The following ACAD8 variants were observed in gnomAD, a reference collection of about 807,000 sequenced individuals.
The protein encoded by ACAD8 is isobutyryl-CoA dehydrogenase, mitochondrial.
ACAD8 carries 47 observed loss-of-function variants against 53.1 expected under a neutral mutation model. The ratio of observed to expected loss-of-function variants is 0.89; its 90% CI spans 0.70 to 1.13. The LOEUF is 1.13. ACAD8 is among the 50% of genes most tolerant of loss of function. ACAD8 has a pLI of 0.00. For missense variants in ACAD8, 494 were observed against 535.0 expected (o/e 0.92, Z 0.76); for synonymous variants, 198 against 201.3 (o/e 0.98, Z 0.14).
Position 134,263,268 on chromosome 11 carries a change from C to G in ACAD8, c.1195+646C>G, listed in dbSNP as rs757795776. On this transcript the variant is annotated intron_variant, in intron 10 of 10. Coordinates refer to ENST00000281182, the MANE Select transcript of ACAD8 (RefSeq NM_014384.3). ...GGGCAGAGGCTTCTTTGAGTGACTT[C>G]GGTGAAGCAACGTGAGGCTGCCTTG... 11 of 1,001,840 alleles carry G rather than the reference C, an allele frequency of 1.1e-5. No homozygotes were observed. The African/African-American group carries it at 1.9e-4, about 17-fold the overall frequency. 62.1% of individuals were successfully genotyped at this position (1,001,840 alleles called of 1,614,324 possible). A position where few individuals can be genotyped will look rare whatever the true frequency, so the allele number is the denominator to read the frequency against.
In ACAD8 at chr11:134,256,616, A is replaced by G. The variant is rs374985215; in HGVS notation, c.178A>G (p.Met60Val). The G allele has an allele frequency of 1.8e-5, 29 of 1,614,090 alleles. No homozygotes were observed. The African/African-American group carries it at 3.5e-4, about 19-fold the overall frequency. Residue 60 changes from methionine (M) to valine (V), a missense_variant, in exon 2 of 11, where the codon ATG becomes GTG. By Grantham distance (21) the Met-to-Val change is conservative. Transcript: ENST00000281182. The stretch of plus-strand genomic sequence containing the variant: ...GGCCTTTGACTTTGCTGCCCGAGAG[A>G]TGGCTCCAAATATGGCAGAGTGGGA... ...KVAFDFAARE[M>V]APNMAEWDQK...
intron 6 of ACAD8, chr11:134,260,144 A>G: frequency 8.6e-7 from 1 of 1,159,680 alleles, no homozygotes; most frequent in Non-Finnish European, 1.1e-6. Flanking sequence ...TTTGATTAAA[A>G]ATAAAGTAAA....
chr11:134,260,055 T>A (rs937434226), intron 6 of ACAD8: 14 of 1,223,810 alleles, frequency 1.1e-5, no homozygotes, highest in African/African-American at 1.6e-5. Context: ...ACTTTGTTGC[T>A]CCAGGAAGAG....
intron 3 of ACAD8, 112 bp downstream of exon 3, chr11:134,257,369 T>G (rs1252792928): frequency 4.3e-6 from 6 of 1,389,340 alleles, no homozygotes; most frequent in African/African-American, 1.4e-5. Flanking sequence ...CTCAAGGAAC[T>G]GGACTTAAAA....
At position 134,265,644 on chromosome 11, in the gene ACAD8, T is replaced by C. The variant is rs544997208; in HGVS notation, c.*684T>C. On this transcript the variant is annotated 3_prime_UTR_variant, in exon 11 of 11. Coordinates refer to ENST00000281182, the MANE Select transcript of ACAD8 (RefSeq NM_014384.3). ...TGCTATTCAGTGTTTCTTTTCCTGA[T>C]AAACACTTTGAATATTTTTTTTGTG... is the stretch of plus-strand genomic sequence containing the variant. 14 of 152,360 alleles carry C rather than the reference T, an allele frequency of 9.2e-5. No individual in the cohort carries two copies. Among genetic ancestry groups the C allele is most frequent in the Admixed American group, 6.5e-4 (10 of 15,304 alleles). The allele number at this position is 152,360 out of a possible 1,614,324, so 9.4% of individuals were successfully genotyped here.
chr11:134,257,282 C>G, intron 3 of ACAD8, 25 bp downstream of exon 3: 1 of 1,613,506 alleles, frequency 6.2e-7, no homozygotes, highest in South Asian at 1.1e-5. Flanking sequence ...TTGGAAGGCA[C>G]AATGAAGTGC....
chr11:134,261,494 CA>C lies in ACAD8; in HGVS notation c.939+123del. On this transcript the variant is annotated intron_variant, in intron 8 of 10. Transcript: ENST00000281182. This position sits in a 1 kb window ranked among gnomAD's most constrained non-coding sequence, Gnocchi z 4.2. ...CTGTCAGTCCCACCACTGTCCTAGC[CA>C]GAGCTTGTGCTTTATTTCTGTCCAT... 6.7e-7 allele frequency: 1 copy of C among 1,502,712 alleles called. No homozygotes were observed. The highest frequency in any genetic ancestry group is 9.1e-7 in the Non-Finnish European group (1 of 1,093,326). The allele number at this position is 1,502,712 out of a possible 1,614,324, so 93.1% of individuals were successfully genotyped here.
chr11:134,254,584 A>G (rs1939367562), intron 1 of ACAD8, among the ~76,000 whole-genome samples: 1 of 152,246 alleles, frequency 6.6e-6, no homozygotes, highest in Non-Finnish European at 1.5e-5. Flanking sequence ...TAAGGCATAG[A>G]ATACTGTTTT....
At chr11:134,260,671 G>A in intron 6 of ACAD8, 2 of 350,022 alleles carry the variant, frequency 5.7e-6, no homozygotes, top group South Asian at 2.4e-5. Flanking sequence ...TGATGTAAAG[G>A]CAGTCTATTT....
Position 134,261,703 on chromosome 11 carries a change from C to A in ACAD8, c.940-35C>A, listed in dbSNP as rs751209738. 5.6e-6 allele frequency: 9 copies of A among 1,611,618 alleles called. No individual in the cohort carries two copies. The East Asian group carries it at 2.0e-4, about 36-fold the overall frequency. On this transcript the variant is annotated intron_variant, in intron 8 of 10. Coordinates refer to ENST00000281182, the MANE Select transcript of ACAD8 (RefSeq NM_014384.3). This position sits in a 1 kb window ranked among gnomAD's most constrained non-coding sequence, Gnocchi z 4.2. ...GCACCAGGTGCTGGTCTAAGCCCCTCAGTCTTGTCTGGTTCTCTGCTCCCT... is the reference window on the plus strand; with the variant it reads ...GCACCAGGTGCTGGTCTAAGCCCCTAAGTCTTGTCTGGTTCTCTGCTCCCT...
chr11:134,256,466 A>T (rs559270596), intron 1 of ACAD8, 82 bp from the exon 2 acceptor site: 3 of 1,111,086 alleles, frequency 2.7e-6, no homozygotes, highest in Admixed American at 1.7e-5. Flanking sequence ...CACTTTCACA[A>T]CTTCGTGGTG....
In ACAD8 at chr11:134,257,258, G is replaced by C. The variant is rs1939591279; in HGVS notation, c.380+1G>C. On this transcript the variant is annotated splice_donor_variant, in intron 3 of 10. Transcript: ENST00000281182. LOFTEE classifies it high-confidence loss of function. ...CCACAGCCTATATAAGCATCCACAA[G>C]TGAGTGCCCAAGCTTGGAAGGCACA... is the stretch of plus-strand genomic sequence containing the variant. 3 of 1,614,172 alleles carry C rather than the reference G, an allele frequency of 1.9e-6. No homozygotes were observed. The highest frequency in any genetic ancestry group is 1.7e-6 in the Non-Finnish European group (2 of 1,180,046).
rs141550507 is a variant in ACAD8 at position 134,264,915 on chromosome 11, T to C, written c.1203T>C (p.Asn401=). Residue 401 remains asparagine, a synonymous_variant, in exon 11 of 11, where the codon AAT becomes AAC. Transcript: ENST00000281182. ...SRVHQILEGS[N]EVMRILISRS... is the part of the protein sequence containing the mutation. ...CCTTCCTCCCTCTTACAGGTAGCAATGAAGTGATGAGGATACTGATCTCTA... is the reference window on the plus strand; with the variant it reads ...CCTTCCTCCCTCTTACAGGTAGCAACGAAGTGATGAGGATACTGATCTCTA... 10 of 1,614,036 alleles carry C rather than the reference T, an allele frequency of 6.2e-6. No homozygotes were observed. The African/African-American group carries it at 1.2e-4, about 19-fold the overall frequency.
At chr11:134,262,650 C>T in intron 10 of ACAD8, 28 bp downstream of exon 10, 1 of 1,597,642 alleles carries the variant, frequency 6.3e-7, no homozygotes, top group Non-Finnish European at 8.6e-7. Flanking sequence ...TTATTCTCTT[C>T]CCTTCAGAAC....
intron 10 of ACAD8, chr11:134,264,136 G>A: frequency 1.2e-6 from 1 of 826,240 alleles, no homozygotes; most frequent in Non-Finnish European, 1.5e-6. Flanking sequence ...CGTGAGGCCA[G>A]GAGTTCGAGA....
At position 134,265,264 on chromosome 11, in the gene ACAD8, A is replaced by G. The variant is rs1391247403; in HGVS notation, c.*304A>G. The G allele has an allele frequency of 4.3e-6, 2 of 466,620 alleles. No homozygotes were observed. Among genetic ancestry groups the G allele is most frequent in the Non-Finnish European group, 7.7e-6 (2 of 259,704 alleles). The allele number at this position is 466,620 out of a possible 1,614,324, so 28.9% of individuals were successfully genotyped here. On this transcript the variant is annotated 3_prime_UTR_variant, in exon 11 of 11. Coordinates refer to ENST00000281182, the MANE Select transcript of ACAD8 (RefSeq NM_014384.3). ...TCAAACCATGAAAGTCCTTTCTTGGATCCACTTTATCTTGATTAGTCTGCA... is the reference window on the plus strand; with the variant it reads ...TCAAACCATGAAAGTCCTTTCTTGGGTCCACTTTATCTTGATTAGTCTGCA...
intron 10 of ACAD8, chr11:134,262,831 G>T (rs935195607): frequency 1.4e-6 from 2 of 1,449,768 alleles, no homozygotes; most frequent in African/African-American, 1.4e-5. Flanking sequence ...GGGGGCCTCA[G>T]ATCGCTCTGC....
intron 6 of ACAD8, chr11:134,260,376 C>A: frequency 4.7e-6 from 1 of 214,702 alleles, no homozygotes; most frequent in Non-Finnish European, 8.8e-6. Flanking sequence ...CTAGTTTGTA[C>A]TGTTATGGGG....
intron 10 of ACAD8, among the ~76,000 whole-genome samples, 163 bp from the exon 11 acceptor site, chr11:134,264,745 G>A (rs923471266): frequency 5.3e-5 from 8 of 152,136 alleles, no homozygotes; most frequent in African/African-American, 1.9e-4. Flanking sequence ...TCAGTACTTT[G>A]TAGAGAAGTC....
Sources: allele counts gnomAD v4.1 joint callset (sites outside exome capture counted in the v4.1 genomes callset), GRCh38; gene constraint gnomAD v4.1.1; non-coding constraint Gnocchi (gnomAD v3.1); transcripts MANE v1.5; gene names NCBI Gene and HGNC (gene_info 2026-07-23, HGNC 2026-07-21).